Variants in PCDHA3 observed in about 807,000 individuals in gnomAD.
The protein encoded by PCDHA3 is protocadherin alpha 3, also known as protocadherin alpha-3.
A neutral mutation model predicts 62.2 loss-of-function variants in PCDHA3; 41 were observed. The ratio of observed to expected loss-of-function variants is 0.66; its 90% CI spans 0.51 to 0.86. The LOEUF is 0.86. Ranked by LOEUF, PCDHA3 falls within the 40% of genes least tolerant of loss-of-function variation. PCDHA3 has a pLI of 0.00. For synonymous variants in PCDHA3, 640 were observed against 555.4 expected (o/e 1.15, Z -2.14); for missense variants, 1,304 against 1,241.2 (o/e 1.05, Z -0.76).
At chr5:140,971,642 A>T (rs1586490477) in intron 1 of PCDHA3, among the ~76,000 whole-genome samples, 1 of 152,330 alleles carries the variant, frequency 6.6e-6, no homozygotes. Context: ...ATGTGCCTAC[A>T]TTAAAAGTAG....
At chr5:140,882,013 A>G (rs2058902739) in intron 1 of PCDHA3, 1 of 534,534 alleles carries the variant, frequency 1.9e-6, no homozygotes, top group African/African-American at 1.9e-5. Flanking sequence ...GCAAAAAAAT[A>G]CTACATCAAT....
intron 1 of PCDHA3, chr5:140,822,585 G>T: frequency 6.2e-7 from 1 of 1,612,046 alleles, no homozygotes; most frequent in Non-Finnish European, 8.5e-7. Flanking sequence ...ATGCAGATGA[G>T]GGCATCAATA....
At chr5:140,828,111 A>G (rs1769533134) in intron 1 of PCDHA3, 2 of 1,611,626 alleles carry the variant, frequency 1.2e-6, no homozygotes, top group East Asian at 2.2e-5. Flanking sequence ...ACCCCGGAGG[A>G]TAGATTGGGA....
At chr5:140,880,958 G>T (rs1208694420) in intron 1 of PCDHA3, among the ~76,000 whole-genome samples, 1 of 152,010 alleles carries the variant, frequency 6.6e-6, no homozygotes, top group African/African-American at 2.4e-5. Flanking sequence ...GGATGATGAG[G>T]GTAAGAGAAT....
chr5:140,995,466 T>A (rs1325738929), intron 3 of PCDHA3, among the ~76,000 whole-genome samples: 1 of 152,196 alleles, frequency 6.6e-6, no homozygotes, highest in Non-Finnish European at 1.5e-5. Flanking sequence ...ATTTTTGAAA[T>A]TTTTCATTTA....
intron 1 of PCDHA3, chr5:140,857,907 C>G (rs1250345336): frequency 1.3e-6 from 2 of 1,597,680 alleles, no homozygotes. Flanking sequence ...GCACGCATCC[C>G]GTTTCGCGTG....
chr5:140,834,613 T>C, intron 1 of PCDHA3: 2 of 1,614,054 alleles, frequency 1.2e-6, no homozygotes, highest in African/African-American at 1.3e-5. Flanking sequence ...CTTCTGGAGG[T>C]AAATCTGCAG....
intron 1 of PCDHA3, among the ~76,000 whole-genome samples, chr5:140,920,082 C>T (rs567545861): frequency 2.0e-5 from 3 of 152,248 alleles, no homozygotes; most frequent in East Asian, 1.9e-4. Context: ...ACAGATTCTC[C>T]GTAGAGCCTC....
At chr5:140,829,928 C>T (rs1554132400) in intron 1 of PCDHA3, 1 of 1,613,972 alleles carries the variant, frequency 6.2e-7, no homozygotes, top group East Asian at 2.2e-5. Context: ...TGAGCTGCAG[C>T]CCCCGGCAAG....
chr5:140,843,136 G>C, intron 1 of PCDHA3: 1 of 1,596,026 alleles, frequency 6.3e-7, no homozygotes, highest in South Asian at 1.1e-5. Context: ...GCTACAACGC[G>C]TGGCTTTCGT....
intron 1 of PCDHA3, chr5:140,857,501 G>C (rs1554150129): frequency 6.3e-7 from 1 of 1,598,242 alleles, no homozygotes; most frequent in Non-Finnish European, 8.6e-7. Flanking sequence ...GGACGCGCAG[G>C]AGAACGCCCT....
chr5:140,977,247 A>G (rs528974727), intron 1 of PCDHA3, among the ~76,000 whole-genome samples: 1 of 152,336 alleles, frequency 6.6e-6, no homozygotes, highest in African/African-American at 2.4e-5. Context: ...AATTGGCAAC[A>G]TTTCTCAGCA....
intron 1 of PCDHA3, chr5:140,927,062 T>C: frequency 6.2e-7 from 1 of 1,611,326 alleles, no homozygotes; most frequent in Non-Finnish European, 8.5e-7. Flanking sequence ...AACTTTCGCT[T>C]CCTTTCCAGC....
intron 1 of PCDHA3, among the ~76,000 whole-genome samples, chr5:140,923,810 T>C (rs1433569913): frequency 6.6e-6 from 1 of 152,202 alleles, no homozygotes; most frequent in Non-Finnish European, 1.5e-5. Flanking sequence ...TGAAATCTTC[T>C]GAAAATAGAC....
At chr5:140,852,398 C>T (rs150537989) in intron 1 of PCDHA3, 9,331 of 183,690 alleles carry the variant, frequency 0.051, 796 homozygotes, top group Middle Eastern at 0.071. Context: ...CTGCCTCAGC[C>T]TCCTGAGTAG....
rs114741049 is a variant in PCDHA3, at chr5:140,830,663, G to C, written c.2394+27072G>C. ...TGCTTCTTTAATATTCATAATTTAAGTGAAATTAGAAATCACTGTCCACAA... is the reference window on the plus strand; with the variant it reads ...TGCTTCTTTAATATTCATAATTTAACTGAAATTAGAAATCACTGTCCACAA... On this transcript the variant is annotated intron_variant, in intron 1 of 3. Coordinates refer to ENST00000522353, the MANE Select transcript of PCDHA3 (RefSeq NM_018906.3). 2.0e-3 allele frequency: 827 copies of C among 406,220 alleles called. 12 individuals are homozygous for C. Among genetic ancestry groups the C allele is most frequent in the African/African-American group, 0.016 (756 of 47,898 alleles). 25.2% of individuals were successfully genotyped at this position (406,220 alleles called of 1,614,324 possible). A position where few individuals can be genotyped will look rare whatever the true frequency, so the allele number is the denominator to read the frequency against.
At chr5:140,865,421 T>C (rs2048870756) in intron 1 of PCDHA3, 1 of 152,208 alleles carries the variant, frequency 6.6e-6, no homozygotes, top group Non-Finnish European at 1.5e-5. Context: ...TAGTAGTGTC[T>C]ACCTAGAAAA....
At chr5:140,992,188 T>C (rs1193005639) in intron 3 of PCDHA3, among the ~76,000 whole-genome samples, 6 of 152,140 alleles carry the variant, frequency 3.9e-5, no homozygotes, top group African/African-American at 1.4e-4. Flanking sequence ...ATGCTTTCAG[T>C]GATCTATCCA....
chr5:140,849,258 G>A lies in PCDHA3; in HGVS notation c.2394+45667G>A, dbSNP rs2150433835. 190 of 1,110,896 alleles carry A rather than the reference G, an allele frequency of 1.7e-4. 6 individuals carry two copies. Among genetic ancestry groups the A allele is most frequent in the Admixed American group, 3.3e-4 (12 of 36,734 alleles). 68.8% of individuals were successfully genotyped at this position (1,110,896 alleles called of 1,614,324 possible). A position where few individuals can be genotyped will look rare whatever the true frequency, so the allele number is the denominator to read the frequency against. Reference sequence around the variant, plus strand: ...GTATACGGTGAAATTACCAGAAAACGTTTCTATCGGAACGCTGGTGATTCA... The same window carrying A: ...GTATACGGTGAAATTACCAGAAAACATTTCTATCGGAACGCTGGTGATTCA... On this transcript the variant is annotated intron_variant, in intron 1 of 3. Transcript: ENST00000522353.
Sources: allele counts gnomAD v4.1 joint callset (sites outside exome capture counted in the v4.1 genomes callset), GRCh38; gene constraint gnomAD v4.1.1; transcripts MANE v1.5; gene names NCBI Gene and HGNC (gene_info 2026-07-23, HGNC 2026-07-21).